Variants in EHMT1 observed in about 807,000 individuals in gnomAD.
EHMT1 encodes the protein histone-lysine N-methyltransferase EHMT1.
In EHMT1, 15 loss-of-function variants were observed where a neutral mutation model predicts 147.2. The observed-to-expected ratio is 0.10, with a 90% CI of 0.07 to 0.16. EHMT1 has a LOEUF of 0.16. Ranked by LOEUF, EHMT1 falls within the 10% of genes least tolerant of loss-of-function variation. EHMT1 has a pLI of 1.00. For missense variants in EHMT1, 1,587 were observed against 1,772.4 expected (o/e 0.90, Z 1.88); for synonymous variants, 795 against 709.6 (o/e 1.12, Z -1.91).
In EHMT1 at chr9:137,776,605, C is replaced by T. The variant is rs1264861991; in HGVS notation, c.1792-13C>T. On this transcript the variant is annotated splice_polypyrimidine_tract_variant and intron_variant, in intron 11 of 26. Transcript: ENST00000460843. The surrounding 1 kb of genome is among the most constrained non-coding windows in gnomAD (Gnocchi z 4.4). ...ATTAAAACAAAAATTTTTTTTTGTC[C>T]TCCCATTTTTAGGGTAATTTTATGG... 2 of 1,613,198 alleles carry T rather than the reference C, an allele frequency of 1.2e-6. No homozygotes were observed. The highest frequency in any genetic ancestry group is 1.1e-5 in the South Asian group (1 of 90,920).
chr9:137,754,872 G>T (rs547492885), intron 8 of EHMT1, among the ~76,000 whole-genome samples: 198 of 152,280 alleles, frequency 1.3e-3, no homozygotes, highest in Non-Finnish European at 2.5e-3. Flanking sequence ...CCGCATGGGT[G>T]ACTGGAACCT....
chr9:137,678,083 T>C (rs1307463627), intron 1 of EHMT1, among the ~76,000 whole-genome samples: 1 of 151,958 alleles, frequency 6.6e-6, no homozygotes, highest in African/African-American at 2.4e-5. Context: ...ATAATAATAA[T>C]AATAATAATG....
rs752281943 is a variant in EHMT1, at chr9:137,828,333, G to A, written c.3541-6016G>A. ...ATGCCCTGGACATGCCCTGGGGTGG[G>A]GGGTGGGGGGCAGCACATGCCAGGC... On this transcript the variant is annotated intron_variant, in intron 25 of 26. Transcript: ENST00000460843. This position sits in a 1 kb window ranked among gnomAD's most constrained non-coding sequence, Gnocchi z 5.3. 1.3e-5 allele frequency among the ~76,000 whole-genome samples: 2 copies of A among 151,334 alleles called. No homozygotes were observed. Among genetic ancestry groups the A allele is most frequent in the Non-Finnish European group, 3.0e-5 (2 of 67,642 alleles).
At chr9:137,658,140 G>A (rs532661388) in intron 1 of EHMT1, among the ~76,000 whole-genome samples, 9 of 152,048 alleles carry the variant, frequency 5.9e-5, no homozygotes, top group South Asian at 2.1e-4. Context: ...TGTCACTCGC[G>A]GCTCTTCCTA....
chr9:137,806,840 G>C (rs1027199378), intron 18 of EHMT1, among the ~76,000 whole-genome samples: 6 of 152,160 alleles, frequency 3.9e-5, no homozygotes, highest in Admixed American at 3.3e-4. Flanking sequence ...TTTAAATGGC[G>C]GTTTCCCTGG....
chr9:137,709,378 G>T (rs867113706), intron 1 of EHMT1, among the ~76,000 whole-genome samples: 1 of 152,212 alleles, frequency 6.6e-6, no homozygotes, highest in Non-Finnish European at 1.5e-5. Flanking sequence ...AGATCAGGGG[G>T]TGGGAGGTGG....
intron 10 of EHMT1, among the ~76,000 whole-genome samples, chr9:137,766,958 C>G (rs1432499099): frequency 6.6e-6 from 1 of 152,076 alleles, no homozygotes; most frequent in African/African-American, 2.4e-5. Context: ...GCTGGGACTA[C>G]AGGCATGCAA....
chr9:137,807,341 C>G (rs1034640402), intron 18 of EHMT1, among the ~76,000 whole-genome samples: 9 of 152,132 alleles, frequency 5.9e-5, no homozygotes, highest in African/African-American at 1.9e-4. Context: ...TTGAGCTCAT[C>G]CGGTCTGTGT....
In EHMT1 at chr9:137,775,899, G is replaced by T. The variant is rs1950919293; in HGVS notation, c.1791+647G>T. Reference sequence around the variant, plus strand: ...GCATGTAGGGTGTGTGTGTGTGTGTGTCTGTGCGCGCACACATCTGTGTGA... The same window carrying T: ...GCATGTAGGGTGTGTGTGTGTGTGTTTCTGTGCGCGCACACATCTGTGTGA... On this transcript the variant is annotated intron_variant, in intron 11 of 26. Coordinates refer to ENST00000460843, the MANE Select transcript of EHMT1 (RefSeq NM_024757.5). This position sits in a 1 kb window ranked among gnomAD's most constrained non-coding sequence, Gnocchi z 6.1. 6.6e-6 allele frequency among the ~76,000 whole-genome samples: 1 copy of T among 151,694 alleles called. No individual in the cohort carries two copies. Among genetic ancestry groups the T allele is most frequent in the Admixed American group, 6.6e-5 (1 of 15,250 alleles).
rs1294932309 is a variant in EHMT1 at position 137,716,962 on chromosome 9, G to C, written c.422G>C (p.Ser141Thr). 6.2e-7 allele frequency: 1 copy of C among 1,612,674 alleles called. No homozygotes were observed. The highest frequency in any genetic ancestry group is 2.2e-5 in the East Asian group (1 of 44,868). Residue 141 changes from serine to threonine, a missense_variant, in exon 3 of 27, where the codon AGC becomes ACC. By Grantham distance (58) the Ser-to-Thr change is moderately conservative. Coordinates refer to ENST00000460843, the MANE Select transcript of EHMT1 (RefSeq NM_024757.5). Reference protein sequence around the residue: ...ALQAQPLRTTSTLASSLPGHA... With the variant: ...ALQAQPLRTTTTLASSLPGHA... ...CAGGCACAGCCCTTGAGGACTACCAGCACTCTGGCCTCTTCGCTGCCTGGC... is the reference window on the plus strand; with the variant it reads ...CAGGCACAGCCCTTGAGGACTACCACCACTCTGGCCTCTTCGCTGCCTGGC...
chr9:137,817,398 G>A (rs1471419720), intron 23 of EHMT1, 41 bp from the exon 24 acceptor site: 2 of 1,608,454 alleles, frequency 1.2e-6, no homozygotes, highest in African/African-American at 1.3e-5. Context: ...GCAACAGGCT[G>A]AGGCTGTGGC....
intron 9 of EHMT1, among the ~76,000 whole-genome samples, chr9:137,762,370 G>A (rs191154787): frequency 6.3e-4 from 96 of 152,160 alleles, no homozygotes; most frequent in African/African-American, 2.1e-3. Context: ...GCTACTGCCA[G>A]AGGTACCAGC....
intron 25 of EHMT1, among the ~76,000 whole-genome samples, chr9:137,818,528 T>C (rs1395929822): frequency 2.0e-5 from 3 of 149,864 alleles, no homozygotes; most frequent in African/African-American, 7.6e-5. Flanking sequence ...GGGCGCCATG[T>C]ACCGAGACTG....
chr9:137,801,029 G>A lies in EHMT1; in HGVS notation c.2712+45G>A, dbSNP rs1953434839. 3.3e-6 allele frequency: 5 copies of A among 1,533,224 alleles called. No homozygotes were observed. The African/African-American group carries it at 4.1e-5, about 13-fold the overall frequency. The allele number at this position is 1,533,224 out of a possible 1,614,324, so 95.0% of individuals were successfully genotyped here. Reference sequence around the variant, plus strand: ...CCCGGGAGCCGTGTCCTGGAGGGGTGGGGACCTCCTCCCCCAGAAGGTTCT... The same window carrying A: ...CCCGGGAGCCGTGTCCTGGAGGGGTAGGGACCTCCTCCCCCAGAAGGTTCT... On this transcript the variant is annotated intron_variant, in intron 18 of 26. Transcript: ENST00000460843.
chr9:137,648,677 T>G (rs972162808), intron 1 of EHMT1, among the ~76,000 whole-genome samples: 11 of 152,170 alleles, frequency 7.2e-5, no homozygotes, highest in African/African-American at 2.7e-4. Flanking sequence ...ATACATTTGT[T>G]GTTCTTGGAC....
intron 25 of EHMT1, among the ~76,000 whole-genome samples, chr9:137,830,579 T>G (rs570870679): frequency 6.6e-6 from 1 of 152,326 alleles, no homozygotes; most frequent in East Asian, 1.9e-4. Context: ...GCACTCCAGA[T>G]ATTACCGATA....
At chr9:137,805,884 A>G (rs1458046673) in intron 18 of EHMT1, among the ~76,000 whole-genome samples, 1 of 150,404 alleles carries the variant, frequency 6.6e-6, no homozygotes, top group Non-Finnish European at 1.5e-5. Flanking sequence ...GCTGGTCTCA[A>G]ACTCCTGACC....
At chr9:137,729,402 C>G (rs936195032) in intron 4 of EHMT1, among the ~76,000 whole-genome samples, 3 of 152,120 alleles carry the variant, frequency 2.0e-5, no homozygotes, top group Admixed American at 6.5e-5. Context: ...TCCTGGCTAA[C>G]ACGGTGAAAC....
intron 1 of EHMT1, among the ~76,000 whole-genome samples, chr9:137,669,113 C>G (rs1294626850): frequency 6.6e-6 from 1 of 152,158 alleles, no homozygotes; most frequent in Non-Finnish European, 1.5e-5. Flanking sequence ...TCTTGAACTC[C>G]TGATCTCAGG....
Sources: allele counts gnomAD v4.1 joint callset (sites outside exome capture counted in the v4.1 genomes callset), GRCh38; gene constraint gnomAD v4.1.1; non-coding constraint Gnocchi (gnomAD v3.1); transcripts MANE v1.5; gene names NCBI Gene and HGNC (gene_info 2026-07-23, HGNC 2026-07-21).